CIITA: variants seen among roughly 807,000 people sequenced by gnomAD.
The protein encoded by CIITA is class II major histocompatibility complex transactivator.
Under a neutral mutation model 115.1 loss-of-function variants are expected in CIITA, and 72 were observed. The observed-to-expected ratio is 0.63, with a 90% CI of 0.52 to 0.76. The LOEUF is 0.76. CIITA is among the 30% of genes least tolerant of loss of function. The pLI is 0.00. For synonymous variants in CIITA, 763 were observed against 635.6 expected (o/e 1.20, Z -3.02); for missense variants, 1,617 against 1,463.8 (o/e 1.10, Z -1.71).
chr16:10,896,923 C>G (rs1334205614), intron 3 of CIITA, among the ~76,000 whole-genome samples: 1 of 152,232 alleles, frequency 6.6e-6, no homozygotes, highest in Non-Finnish European at 1.5e-5. Flanking sequence ...CTGCTTCCTT[C>G]CCTTCCTGGG....
At chr16:10,895,165 C>A in intron 1 of CIITA, 117 bp from the exon 2 acceptor site, 3 of 1,188,552 alleles carry the variant, frequency 2.5e-6, no homozygotes, top group Non-Finnish European at 2.5e-6. Context: ...GCTGAATGAG[C>A]GCTTTTATTC....
chr16:10,895,463 C>T, intron 2 of CIITA, 35 bp downstream of exon 2: 1 of 1,610,954 alleles, frequency 6.2e-7, no homozygotes, highest in Non-Finnish European at 8.5e-7. Context: ...TTCCGGTATC[C>T]CCCACCCCTC....
chr16:10,908,428 G>A (rs1459394584), intron 11 of CIITA: 18 of 566,826 alleles, frequency 3.2e-5, no homozygotes, highest in Non-Finnish European at 9.5e-6. Context: ...GACTGACCTG[G>A]GCTCAAATTT....
chr16:10,887,684 G>A (rs1212921196), intron 1 of CIITA, among the ~76,000 whole-genome samples: 5 of 152,134 alleles, frequency 3.3e-5, no homozygotes, highest in South Asian at 2.1e-4. Flanking sequence ...TTGCAGAGAC[G>A]GGGTTTCACC....
intron 1 of CIITA, among the ~76,000 whole-genome samples, chr16:10,891,921 G>A (rs2037628220): frequency 1.3e-5 from 2 of 152,178 alleles, no homozygotes; most frequent in South Asian, 2.1e-4. Flanking sequence ...ATGAACAAGT[G>A]GGCCCAGCCA....
chr16:10,890,821 A>G (rs2037491623), intron 1 of CIITA, among the ~76,000 whole-genome samples: 1 of 152,230 alleles, frequency 6.6e-6, no homozygotes, highest in South Asian at 2.1e-4. Context: ...ACTGATTGCC[A>G]GTCCCATTGC....
chr16:10,890,837 G>C (rs146902123), intron 1 of CIITA, among the ~76,000 whole-genome samples: 3 of 152,238 alleles, frequency 2.0e-5, no homozygotes, highest in African/African-American at 7.2e-5. Context: ...ATTGCTAAGG[G>C]CTCCGCGTGA....
chr16:10,902,315 G>T, intron 7 of CIITA, 131 bp downstream of exon 7: 2 of 1,342,782 alleles, frequency 1.5e-6, no homozygotes, highest in South Asian at 2.6e-5. Context: ...ACTCACCTCT[G>T]CCCCAGCCAG....
Position 10,879,371 on chromosome 16 carries a change from T to A in CIITA, c.52+1989T>A, listed in dbSNP as rs956637067. Among the ~76,000 whole-genome samples the A allele has an allele frequency of 9.2e-5, 14 of 152,102 alleles. No individual in the cohort carries two copies. The highest frequency in any genetic ancestry group is 8.5e-4 in the Admixed American group (13 of 15,286). On this transcript the variant is annotated intron_variant, in intron 1 of 19. Transcript: ENST00000324288. The surrounding 1 kb of genome is among the most constrained non-coding windows in gnomAD (Gnocchi z 4.3). ...AGCAGACACACTCCCCCGGCCACCC[T>A]TGGCCGACTCCGCGCGCCCGGGATC...
At position 10,918,510 on chromosome 16, in the gene CIITA, T is replaced by A. The variant is rs2040085303; in HGVS notation, c.3133T>A (p.Ser1045Thr). ...LAEALPSLAA[S>T]LLRLSLYNNC... ...CGAGGCCCTGCCTTCGCTCGCTGCA[T>A]CCCTGCTCAGGCTAAGGTGAGTGGG... is the stretch of plus-strand genomic sequence containing the variant. The change falls in exon 16 of 20, where the codon TCC (serine) becomes ACC (threonine). Residue 1045 changes from serine to threonine, a missense_variant. By Grantham distance (58) the Ser-to-Thr change is moderately conservative. Transcript: ENST00000324288. 3.7e-6 allele frequency: 6 copies of A among 1,614,042 alleles called. No homozygotes were observed. Among genetic ancestry groups the A allele is most frequent in the Non-Finnish European group, 5.1e-6 (6 of 1,180,036 alleles).
Position 10,901,446 on chromosome 16 carries a change from A to C in CIITA, c.437-68A>C, listed in dbSNP as rs962178962. Reference sequence around the variant, plus strand: ...AAGTTAAGGCCGTATAGCCTGCTAGAGTCCTGAGCCCCTTCTGGCTTGGGA... The same window carrying C: ...AAGTTAAGGCCGTATAGCCTGCTAGCGTCCTGAGCCCCTTCTGGCTTGGGA... On this transcript the variant is annotated intron_variant, in intron 5 of 19. Coordinates refer to ENST00000324288, the MANE Select transcript of CIITA (RefSeq NM_000246.4). The surrounding 1 kb of genome is among the most constrained non-coding windows in gnomAD (Gnocchi z 6.8). 13 of 1,550,454 alleles carry C rather than the reference A, an allele frequency of 8.4e-6. No individual in the cohort carries two copies. In the African/African-American group the frequency reaches 1.8e-4, roughly 21 times the overall value.
Position 10,923,128 on chromosome 16 carries a change from C to A in CIITA, c.3318-100C>A. 1 of 1,020,976 alleles carries A rather than the reference C, an allele frequency of 9.8e-7. No individual in the cohort carries two copies. Among genetic ancestry groups the A allele is most frequent in the Non-Finnish European group, 1.5e-6 (1 of 650,414 alleles). The allele number at this position is 1,020,976 out of a possible 1,614,324, so 63.2% of individuals were successfully genotyped here. ...TGCCAGGGGAAAAGTCCCCAACGTT[C>A]TAGGCTGGGTGGAAGGAGGGATTTG... On this transcript the variant is annotated intron_variant, in intron 18 of 19. Coordinates refer to ENST00000324288, the MANE Select transcript of CIITA (RefSeq NM_000246.4). The surrounding 1 kb of genome is among the most constrained non-coding windows in gnomAD (Gnocchi z 5.2).
rs1596533981 is a variant in CIITA, at chr16:10,902,516, T to C, written c.629-142T>C. The C allele has an allele frequency of 7.7e-6, 8 of 1,039,724 alleles. No individual in the cohort carries two copies. The East Asian group carries it at 2.0e-4, about 26-fold the overall frequency. 64.4% of individuals were successfully genotyped at this position (1,039,724 alleles called of 1,614,324 possible). A position where few individuals can be genotyped will look rare whatever the true frequency, so the allele number is the denominator to read the frequency against. On this transcript the variant is annotated intron_variant, in intron 7 of 19. Coordinates refer to ENST00000324288, the MANE Select transcript of CIITA (RefSeq NM_000246.4). ...GCTCTGCTAGGTGCTAAGAATTCCA[T>C]CAGGGCAGGACAGAAACAGCTACTG...
chr16:10,910,129 T>C, intron 12 of CIITA, 59 bp from the exon 13 acceptor site: 1 of 1,478,282 alleles, frequency 6.8e-7, no homozygotes, highest in Non-Finnish European at 9.4e-7. Context: ...ATGGGACCCA[T>C]GGGTAAGGGC....
At chr16:10,900,608 CG>C (rs2038633504) in intron 5 of CIITA, among the ~76,000 whole-genome samples, 3 of 151,908 alleles carry the variant, frequency 2.0e-5, no homozygotes, top group South Asian at 2.1e-4. Context: ...GGCGTGGTGG[CG>C]AACACCTGTA....
chr16:10,903,540 G>T (rs957257169), intron 8 of CIITA, among the ~76,000 whole-genome samples, 191 bp from the exon 9 acceptor site: 9 of 152,182 alleles, frequency 5.9e-5, no homozygotes, highest in South Asian at 2.1e-4. Flanking sequence ...GAAAAGCAAG[G>T]TTCCAGGAGC....
upstream of CIITA, among the ~76,000 whole-genome samples, chr16:10,872,344 A>G (rs1008084267): frequency 5.3e-5 from 8 of 152,070 alleles, no homozygotes; most frequent in Non-Finnish European, 5.9e-5. Flanking sequence ...GCTGGTCTCA[A>G]ACTCCTGACC....
chr16:10,890,936 A>G (rs188074324), intron 1 of CIITA, among the ~76,000 whole-genome samples: 53 of 152,248 alleles, frequency 3.5e-4, no homozygotes, highest in African/African-American at 1.3e-3. Flanking sequence ...TAAAAAATGA[A>G]CTTGCCCAGG....
Position 10,901,932 on chromosome 16 carries a change from A to T in CIITA, c.482-106A>T. ...TGCAGCCAGGGCTGAGAAGATGACA[A>T]GCATTTCCTCTGTCAGGAGAGACAT... is the stretch of plus-strand genomic sequence containing the variant. On this transcript the variant is annotated intron_variant, in intron 6 of 19. Coordinates refer to ENST00000324288, the MANE Select transcript of CIITA (RefSeq NM_000246.4). This position sits in a 1 kb window ranked among gnomAD's most constrained non-coding sequence, Gnocchi z 6.8. 4.1e-6 allele frequency: 6 copies of T among 1,467,186 alleles called. No individual in the cohort carries two copies. Among genetic ancestry groups the T allele is most frequent in the Non-Finnish European group, 5.7e-6 (6 of 1,058,036 alleles). 90.9% of individuals were successfully genotyped at this position (1,467,186 alleles called of 1,614,324 possible). A position where few individuals can be genotyped will look rare whatever the true frequency, so the allele number is the denominator to read the frequency against.
Sources: allele counts gnomAD v4.1 joint callset (sites outside exome capture counted in the v4.1 genomes callset), GRCh38; gene constraint gnomAD v4.1.1; non-coding constraint Gnocchi (gnomAD v3.1); transcripts MANE v1.5; gene names NCBI Gene and HGNC (gene_info 2026-07-23, HGNC 2026-07-21).